Variants in GALC observed in about 807,000 individuals in gnomAD.
The protein encoded by GALC is galactosylceramidase.
Under a neutral mutation model 91.8 loss-of-function variants are expected in GALC, and 77 were observed. That is an observed-to-expected ratio of 0.84 (90% CI 0.70 to 1.01). The LOEUF (loss-of-function observed/expected upper bound fraction) is 1.01. GALC is among the 50% of genes least tolerant of loss of function. GALC has a pLI of 0.00. For synonymous variants in GALC, 357 were observed against 306.7 expected (o/e 1.16, Z -1.71); for missense variants, 882 against 855.9 (o/e 1.03, Z -0.38).
At chr14:87,970,593 G>A (rs959287819) in intron 7 of GALC, among the ~76,000 whole-genome samples, 3 of 151,794 alleles carry the variant, frequency 2.0e-5, no homozygotes, top group African/African-American at 7.3e-5. Context: ...AAATGTAAAG[G>A]CTCTTTAAGA....
chr14:87,983,209 G>A (rs1054826317), intron 5 of GALC, among the ~76,000 whole-genome samples: 5 of 151,922 alleles, frequency 3.3e-5, no homozygotes, highest in Non-Finnish European at 5.9e-5. Context: ...GTGTGGTGGC[G>A]GGTGCCTGTA....
At chr14:87,975,396 G>T (rs1230381233) in intron 7 of GALC, among the ~76,000 whole-genome samples, 2 of 149,134 alleles carry the variant, frequency 1.3e-5, no homozygotes, top group Non-Finnish European at 3.0e-5. Context: ...AGATAATAAT[G>T]GATATTTAAT....
Position 87,976,355 on chromosome 14 carries a change from T to C in GALC, c.752+3A>G, listed in dbSNP as rs1567000413. The C allele has an allele frequency of 1.5e-5, 24 of 1,613,882 alleles. No homozygotes were observed. Among genetic ancestry groups the C allele is most frequent in the Non-Finnish European group, 1.9e-5 (23 of 1,179,954 alleles). ...CTAGTTTTCCAAGTAAAACATGCCT[T>C]ACCCTATAACATCAACCACCTTGAA... On this transcript the variant is annotated splice_donor_region_variant and intron_variant, in intron 7 of 16. Coordinates refer to ENST00000261304, the MANE Select transcript of GALC (RefSeq NM_000153.4).
intron 6 of GALC, among the ~76,000 whole-genome samples, chr14:87,978,001 A>G (rs1439576266): frequency 6.6e-6 from 1 of 152,148 alleles, no homozygotes; most frequent in African/African-American, 2.4e-5. Context: ...AGTAGGATTG[A>G]GAACCCCTAT....
chr14:87,968,237 G>T, intron 8 of GALC, 98 bp downstream of exon 8: 1 of 996,836 alleles, frequency 1.0e-6, no homozygotes, highest in Non-Finnish European at 1.5e-6. Context: ...TACAATCATT[G>T]AATCTAGGCT....
chr14:87,984,562 A>T (rs766745444), intron 4 of GALC, 29 bp from the exon 5 acceptor site: 1 of 1,613,770 alleles, frequency 6.2e-7, no homozygotes, highest in Admixed American at 1.7e-5. Flanking sequence ...AGGCAAAGGT[A>T]GAGGAGGTAT....
intron 7 of GALC, among the ~76,000 whole-genome samples, chr14:87,971,415 C>T (rs968368696): frequency 1.3e-5 from 2 of 152,064 alleles, no homozygotes; most frequent in Non-Finnish European, 2.9e-5. Context: ...AGATCAAACC[C>T]AATACTGTAA....
rs777045053 is a variant in GALC, at chr14:87,940,027, C to T, written c.1835-46G>A. The T allele has an allele frequency of 1.7e-5, 25 of 1,436,516 alleles. No homozygotes were observed. In the East Asian group the frequency reaches 5.0e-4, roughly 29 times the overall value. 89.0% of individuals were successfully genotyped at this position (1,436,516 alleles called of 1,614,324 possible). A position where few individuals can be genotyped will look rare whatever the true frequency, so the allele number is the denominator to read the frequency against. ...CCCAATAGATATAATTTTGAGATCT[C>T]AATCACAGAATCATATAATTCAGTG... is the stretch of plus-strand genomic sequence containing the variant. On this transcript the variant is annotated intron_variant, in intron 15 of 16. Coordinates refer to ENST00000261304, the MANE Select transcript of GALC (RefSeq NM_000153.4).
At chr14:87,961,923 G>T (rs406458) in intron 10 of GALC, among the ~76,000 whole-genome samples, 1 of 152,118 alleles carries the variant, frequency 6.6e-6, no homozygotes, top group Non-Finnish European at 1.5e-5. Context: ...ATGCAGATTC[G>T]CAGAAGAAAA....
chr14:87,992,159 T>C, intron 1 of GALC: 1 of 860,726 alleles, frequency 1.2e-6, no homozygotes, highest in East Asian at 2.6e-5. Context: ...GCAGCAGGCA[T>C]TCAAGCTTGT....
At position 87,992,960 on chromosome 14, in the gene GALC, TGCCGCTCACCCCGCC is replaced by T. The variant is rs1057517187; in HGVS notation, c.190_195+9del. On this transcript the variant is annotated splice_donor_variant and splice_donor_5th_base_variant and coding_sequence_variant and intron_variant, in exon 1 of 17. Coordinates refer to ENST00000261304, the MANE Select transcript of GALC (RefSeq NM_000153.4). LOFTEE classifies it high-confidence loss of function. ...CCGCCCCCCGCGTATCCCCGCAGCT[TGCCGCTCACCCCGCC>T]GCCGCTGACCGCGCCGATGCCGTCG... 2 of 1,512,882 alleles carry T rather than the reference TGCCGCTCACCCCGCC, an allele frequency of 1.3e-6. No homozygotes were observed. 93.7% of individuals were successfully genotyped at this position (1,512,882 alleles called of 1,614,324 possible).
chr14:87,967,645 T>C (rs375783127), intron 8 of GALC, among the ~76,000 whole-genome samples: 1 of 152,190 alleles, frequency 6.6e-6, no homozygotes, highest in Non-Finnish European at 1.5e-5. Flanking sequence ...CTTAAGAACA[T>C]CTGTTTTTTA....
intron 14 of GALC, among the ~76,000 whole-genome samples, chr14:87,942,316 T>C (rs2139943563): frequency 6.6e-6 from 1 of 152,096 alleles, no homozygotes; most frequent in South Asian, 2.1e-4. Flanking sequence ...TATCTGTCTA[T>C]AAGGAAGCAA....
intron 7 of GALC, among the ~76,000 whole-genome samples, chr14:87,970,704 CAA>C (rs78291928): frequency 4.3e-5 from 5 of 115,900 alleles, no homozygotes; most frequent in Non-Finnish European, 1.9e-5. Context: ...ACTAAAAATA[CAA>C]AAAAAAAAAA....
intron 14 of GALC, among the ~76,000 whole-genome samples, chr14:87,943,904 G>T (rs431081): frequency 0.49 from 74,543 of 151,582 alleles, 18,990 homozygotes; most frequent in African/African-American, 0.6. Flanking sequence ...ATCAAGCCTA[G>T]AAGTGGAAAA....
At chr14:87,993,399 G>A (rs900438796), upstream of GALC, 21 of 1,535,676 alleles carry the variant, frequency 1.4e-5, no homozygotes, top group Non-Finnish European at 1.6e-5. Flanking sequence ...CTTCTCTTCC[G>A]GCGTCACCTG....
At chr14:87,981,761 C>T (rs1053555869) in intron 6 of GALC, among the ~76,000 whole-genome samples, 2 of 152,060 alleles carry the variant, frequency 1.3e-5, no homozygotes, top group Non-Finnish European at 2.9e-5. Context: ...TTACTGCTAC[C>T]TCTTTGCTAA....
chr14:87,985,493 G>C (rs1886931208), intron 4 of GALC, among the ~76,000 whole-genome samples: 1 of 152,150 alleles, frequency 6.6e-6, no homozygotes, highest in Non-Finnish European at 1.5e-5. Context: ...GTCTGACCTT[G>C]GAAGCAGTCT....
chr14:87,935,557 A>G (rs1335751273), intron 16 of GALC, among the ~76,000 whole-genome samples: 1 of 152,078 alleles, frequency 6.6e-6, no homozygotes, highest in African/African-American at 2.4e-5. Flanking sequence ...AGAAAAAATT[A>G]CACCTTCCTC....
Sources: allele counts gnomAD v4.1 joint callset (sites outside exome capture counted in the v4.1 genomes callset), GRCh38; gene constraint gnomAD v4.1.1; transcripts MANE v1.5; gene names NCBI Gene and HGNC (gene_info 2026-07-23, HGNC 2026-07-21).